TMEFF1: variants seen among roughly 807,000 people sequenced by gnomAD.
TMEFF1 encodes transmembrane protein with EGF like and two follistatin like domains 1.
TMEFF1 carries 20 observed loss-of-function variants against 47.5 expected under a neutral mutation model. The ratio of observed to expected loss-of-function variants is 0.42; its 90% CI spans 0.30 to 0.61. The LOEUF is 0.61. Among genes scored for constraint, TMEFF1 ranks in the 20% least tolerant of loss-of-function variants. The pLI is 0.19. For synonymous variants in TMEFF1, 162 were observed against 166.3 expected (o/e 0.97, Z 0.20); for missense variants, 411 against 471.1 (o/e 0.87, Z 1.18).
At chr9:100,518,662 T>C (rs994335263) in intron 5 of TMEFF1, 1 of 228,416 alleles carries the variant, frequency 4.4e-6, no homozygotes, top group African/African-American at 2.3e-5. Flanking sequence ...AAAGGAAATG[T>C]TGGTAATATC....
At chr9:100,520,787 T>G (rs1055546106) in intron 5 of TMEFF1, among the ~76,000 whole-genome samples, 4 of 152,178 alleles carry the variant, frequency 2.6e-5, no homozygotes, top group Non-Finnish European at 5.9e-5. Context: ...GAAGGTGAGT[T>G]CAGAAAGGCT....
intron 2 of TMEFF1, among the ~76,000 whole-genome samples, chr9:100,503,535 AACACACACACACACACAC>A (rs66485935): frequency 5.6e-5 from 8 of 143,938 alleles, no homozygotes; most frequent in East Asian, 2.0e-4. Flanking sequence ...GAGAAACAGA[AACACACACACACACACAC>A]ACACACACAC....
At chr9:100,488,968 T>C (rs1024726049) in intron 1 of TMEFF1, among the ~76,000 whole-genome samples, 4 of 152,190 alleles carry the variant, frequency 2.6e-5, no homozygotes, top group African/African-American at 7.2e-5. Flanking sequence ...TCAGTGGTTT[T>C]CGTACATTTA....
intron 8 of TMEFF1, among the ~76,000 whole-genome samples, chr9:100,569,398 T>C (rs1456163622): frequency 6.6e-6 from 1 of 152,198 alleles, no homozygotes; most frequent in Non-Finnish European, 1.5e-5. Flanking sequence ...TTTTGGCTAT[T>C]ATTGAGTTGT....
At chr9:100,528,402 T>C (rs1204657855) in intron 5 of TMEFF1, among the ~76,000 whole-genome samples, 1 of 145,280 alleles carries the variant, frequency 6.9e-6, no homozygotes, top group African/African-American at 2.7e-5. Context: ...TTAAAGGAGC[T>C]GATGGGGCTG....
intron 8 of TMEFF1, among the ~76,000 whole-genome samples, chr9:100,565,518 G>T (rs1839109988): frequency 6.6e-6 from 1 of 152,110 alleles, no homozygotes; most frequent in Non-Finnish European, 1.5e-5. Flanking sequence ...CGGTCTCAAG[G>T]TGGGCCCTTT....
intron 5 of TMEFF1, among the ~76,000 whole-genome samples, chr9:100,517,989 C>T (rs529304906): frequency 6.6e-6 from 1 of 152,242 alleles, no homozygotes; most frequent in East Asian, 1.9e-4. Context: ...GTCAAAATAG[C>T]TGTCAGTGAT....
chr9:100,518,769 C>T (rs182978629), intron 5 of TMEFF1, among the ~76,000 whole-genome samples: 10 of 151,814 alleles, frequency 6.6e-5, no homozygotes, highest in African/African-American at 2.4e-4. Flanking sequence ...TTTAAATGGG[C>T]CATGGTACCA....
chr9:100,498,036 C>T (rs1587821690), intron 1 of TMEFF1, among the ~76,000 whole-genome samples: 1 of 152,156 alleles, frequency 6.6e-6, no homozygotes, highest in East Asian at 1.9e-4. Context: ...CCCACTTTCA[C>T]TGATTGGCAG....
chr9:100,501,900 C>T (rs1837769447), intron 2 of TMEFF1, among the ~76,000 whole-genome samples: 1 of 152,176 alleles, frequency 6.6e-6, no homozygotes, highest in South Asian at 2.1e-4. Flanking sequence ...GCCTTGGCCT[C>T]CCAAAGTGCT....
At chr9:100,511,557 G>T (rs1837967489) in intron 3 of TMEFF1, among the ~76,000 whole-genome samples, 1 of 152,116 alleles carries the variant, frequency 6.6e-6, no homozygotes, top group South Asian at 2.1e-4. Context: ...GTCTTTTGTG[G>T]ATCCTATTCC....
At chr9:100,564,387 T>C (rs984908240) in intron 8 of TMEFF1, among the ~76,000 whole-genome samples, 2 of 152,184 alleles carry the variant, frequency 1.3e-5, no homozygotes, top group South Asian at 2.1e-4. Context: ...ATTTATTTTT[T>C]GATTGATTGA....
At chr9:100,545,130 C>G (rs1407255202) in intron 5 of TMEFF1, among the ~76,000 whole-genome samples, 1 of 152,214 alleles carries the variant, frequency 6.6e-6, no homozygotes, top group Non-Finnish European at 1.5e-5. Context: ...AGGTGGCCCT[C>G]TCCTCACAGC....
At chr9:100,508,105 A>G (rs1837893985) in intron 2 of TMEFF1, among the ~76,000 whole-genome samples, 1 of 152,174 alleles carries the variant, frequency 6.6e-6, no homozygotes, top group Non-Finnish European at 1.5e-5. Flanking sequence ...ATAATATTTT[A>G]TGCATTAACT....
At chr9:100,553,944 G>A (rs1054911855) in intron 7 of TMEFF1, among the ~76,000 whole-genome samples, 4 of 152,080 alleles carry the variant, frequency 2.6e-5, no homozygotes, top group Non-Finnish European at 4.4e-5. Flanking sequence ...ATTTCCACCT[G>A]CACAGGAAGT....
chr9:100,514,717 G>A (rs370710331), intron 4 of TMEFF1, among the ~76,000 whole-genome samples: 19 of 150,926 alleles, frequency 1.3e-4, no homozygotes, highest in Non-Finnish European at 1.9e-4. Flanking sequence ...ACAAAAGGCC[G>A]GGCACAGTGG....
At chr9:100,566,130 T>C (rs1417635755) in intron 8 of TMEFF1, among the ~76,000 whole-genome samples, 1 of 152,208 alleles carries the variant, frequency 6.6e-6, no homozygotes, top group Non-Finnish European at 1.5e-5. Flanking sequence ...TTTTTCCTAC[T>C]TCGCTGGATG....
intron 1 of TMEFF1, among the ~76,000 whole-genome samples, chr9:100,478,605 GA>G (rs1385743325): frequency 6.6e-6 from 1 of 152,098 alleles, no homozygotes; most frequent in African/African-American, 2.4e-5. Context: ...GAGATTAAAA[GA>G]AAAACTTCGA....
intron 6 of TMEFF1, among the ~76,000 whole-genome samples, chr9:100,548,483 A>T (rs930648401): frequency 6.6e-6 from 1 of 152,094 alleles, no homozygotes; most frequent in Non-Finnish European, 1.5e-5. Flanking sequence ...TTCCACCCCT[A>T]CTAGAAATAT....
Sources: gnomAD v4.1 joint callset for allele counts (sites outside exome capture counted in the v4.1 genomes callset) on GRCh38, gnomAD v4.1.1 for gene constraint, MANE v1.5 for transcripts, NCBI Gene and HGNC (gene_info 2026-07-23, HGNC 2026-07-21) for gene names.